The following PTPN21 variants were observed in gnomAD, a reference collection of about 807,000 sequenced individuals.
PTPN21 encodes the protein tyrosine-protein phosphatase non-receptor type 21.
PTPN21 carries 77 observed loss-of-function variants against 131.8 expected under a neutral mutation model. The observed-to-expected ratio is 0.58, with a 90% CI of 0.49 to 0.71. PTPN21 has a LOEUF of 0.71. Ranked by LOEUF, PTPN21 falls within the 30% of genes least tolerant of loss-of-function variation. The pLI is 0.00. For missense variants in PTPN21, 1,552 were observed against 1,527.1 expected, an observed-to-expected ratio of 1.02 and a Z score of -0.27; for synonymous variants, 715 against 621.3, an observed-to-expected ratio of 1.15 and a Z score of -2.24.
intron 2 of PTPN21, among the ~76,000 whole-genome samples, chr14:88,519,841 T>C (rs772646545): frequency 6.6e-6 from 1 of 152,194 alleles, no homozygotes; most frequent in Admixed American, 6.5e-5. Flanking sequence ...ATTTTGAACA[T>C]TTCCTATGTG....
intron 13 of PTPN21, among the ~76,000 whole-genome samples, chr14:88,478,060 G>A (rs1033564674): frequency 2.0e-5 from 3 of 152,174 alleles, no homozygotes; most frequent in Admixed American, 1.3e-4. Flanking sequence ...CCTTGGAAAA[G>A]TTAGTTAATA....
intron 18 of PTPN21, 115 bp downstream of exon 18, chr14:88,468,801 G>T: frequency 7.6e-7 from 1 of 1,322,250 alleles, no homozygotes. Flanking sequence ...GTAACATCTT[G>T]AGGCCACCAC....
At chr14:88,547,607 G>A (rs571746018) in intron 2 of PTPN21, 16 of 452,368 alleles carry the variant, frequency 3.5e-5, no homozygotes, top group East Asian at 2.1e-4. Context: ...GAGCTATGAC[G>A]GTGCCACTGT....
Position 88,550,546 on chromosome 14 carries a change from C to G in PTPN21, c.-129G>C. On this transcript the variant is annotated 5_prime_UTR_variant, in exon 2 of 19. Coordinates refer to ENST00000556564, the MANE Select transcript of PTPN21 (RefSeq NM_007039.4). ...ACACTGTCCGGCCTCCAGCTGCTCA[C>G]CCAGCAGCCGCTGCCGCCATTAAAA... is the stretch of plus-strand genomic sequence containing the variant. 1.1e-6 allele frequency: 1 copy of G among 908,986 alleles called. No individual in the cohort carries two copies. Among genetic ancestry groups the G allele is most frequent in the Admixed American group, 3.0e-5 (1 of 33,660 alleles). 56.3% of individuals were successfully genotyped at this position (908,986 alleles called of 1,614,324 possible).
chr14:88,484,105 A>T (rs1379847165), intron 12 of PTPN21, among the ~76,000 whole-genome samples: 2 of 151,360 alleles, frequency 1.3e-5, no homozygotes, highest in Non-Finnish European at 2.9e-5. Flanking sequence ...GCAGTAGCAC[A>T]AAATCTTGGC....
At chr14:88,527,483 A>C (rs1264773707) in intron 2 of PTPN21, among the ~76,000 whole-genome samples, 2 of 152,142 alleles carry the variant, frequency 1.3e-5, no homozygotes, top group African/African-American at 4.8e-5. Context: ...TCATGTCTTT[A>C]GCCCATGTTT....
At chr14:88,490,896 AG>A (rs371106035) in intron 10 of PTPN21, among the ~76,000 whole-genome samples, 50 of 152,256 alleles carry the variant, frequency 3.3e-4, no homozygotes, top group African/African-American at 1.2e-3. Context: ...AGAGCAGGGG[AG>A]CCACCTACAC....
At chr14:88,505,216 C>T in intron 5 of PTPN21, 88 bp downstream of exon 5, 1 of 1,084,096 alleles carries the variant, frequency 9.2e-7, no homozygotes. Flanking sequence ...GACAGTAAGT[C>T]TATCATACGG....
intron 1 of PTPN21, chr14:88,552,314 C>T (rs965681448): frequency 6.6e-6 from 1 of 152,238 alleles, no homozygotes; most frequent in Non-Finnish European, 1.5e-5. Flanking sequence ...CGCTACTACC[C>T]TCGGCTTTGC....
chr14:88,524,831 G>A (rs1161251241), intron 2 of PTPN21, among the ~76,000 whole-genome samples: 1 of 151,320 alleles, frequency 6.6e-6, no homozygotes, highest in Admixed American at 6.6e-5. Context: ...CTTGGGCCCA[G>A]GAGACCAAGG....
At chr14:88,507,350 C>T (rs1412537245) in intron 4 of PTPN21, among the ~76,000 whole-genome samples, 1 of 152,128 alleles carries the variant, frequency 6.6e-6, no homozygotes, top group East Asian at 1.9e-4. Flanking sequence ...CAGATTTTGT[C>T]ACTGTGCAAA....
chr14:88,521,059 C>T (rs1213920381), intron 2 of PTPN21, among the ~76,000 whole-genome samples: 4 of 151,956 alleles, frequency 2.6e-5, no homozygotes, highest in Middle Eastern at 3.2e-3. Context: ...GTTGCCCAGG[C>T]TGATCTTAAA....
intron 2 of PTPN21, among the ~76,000 whole-genome samples, chr14:88,530,553 A>G (rs373824392): frequency 7.0e-6 from 1 of 142,764 alleles, no homozygotes; most frequent in East Asian, 1.9e-4. Context: ...CATCTAACAC[A>G]TAAGAACTCA....
At chr14:88,487,903 T>C (rs1040802663) in intron 10 of PTPN21, among the ~76,000 whole-genome samples, 3 of 147,168 alleles carry the variant, frequency 2.0e-5, no homozygotes, top group Non-Finnish European at 4.4e-5. Context: ...GGGGCGGAGG[T>C]TGCAGTGAGC....
intron 3 of PTPN21, among the ~76,000 whole-genome samples, chr14:88,515,963 A>C (rs1435860566): frequency 6.6e-6 from 1 of 152,128 alleles, no homozygotes; most frequent in Admixed American, 6.5e-5. Context: ...TGTTTATCCT[A>C]CCACTGGATC....
chr14:88,537,813 C>T (rs1413695851), intron 2 of PTPN21, among the ~76,000 whole-genome samples: 1 of 152,110 alleles, frequency 6.6e-6, no homozygotes, highest in Non-Finnish European at 1.5e-5. Context: ...AATGGTATAG[C>T]CTCCTACACA....
intron 2 of PTPN21, among the ~76,000 whole-genome samples, chr14:88,544,017 A>T (rs547482124): frequency 6.6e-6 from 1 of 152,160 alleles, no homozygotes; most frequent in Non-Finnish European, 1.5e-5. Context: ...AGAGACTTCC[A>T]TGGTTTCACA....
intron 12 of PTPN21, among the ~76,000 whole-genome samples, chr14:88,482,645 T>A (rs1417268328): frequency 1.3e-5 from 2 of 150,626 alleles, no homozygotes; most frequent in African/African-American, 4.9e-5. Flanking sequence ...AAAGAAATGT[T>A]AAATGTAGAT....
At chr14:88,528,716 C>G (rs918228960) in intron 2 of PTPN21, among the ~76,000 whole-genome samples, 1 of 152,198 alleles carries the variant, frequency 6.6e-6, no homozygotes, top group African/African-American at 2.4e-5. Context: ...GTGAGACGTG[C>G]CTTTCATCCT....
Sources: gnomAD v4.1 joint callset for allele counts (sites outside exome capture counted in the v4.1 genomes callset) on GRCh38, gnomAD v4.1.1 for gene constraint, MANE v1.5 for transcripts, NCBI Gene and HGNC (gene_info 2026-07-23, HGNC 2026-07-21) for gene names.